EPB41L1: variants seen among roughly 807,000 people sequenced by gnomAD.
EPB41L1 encodes the protein band 4.1-like protein 1.
Under a neutral mutation model 97.8 loss-of-function variants are expected in EPB41L1, and 29 were observed. That is an observed-to-expected ratio of 0.30 (90% CI 0.22 to 0.40). The LOEUF (loss-of-function observed/expected upper bound fraction) is 0.40. EPB41L1 is among the 10% of genes least tolerant of loss of function. The pLI is 1.00. For synonymous variants in EPB41L1, 383 were observed against 459.2 expected, an observed-to-expected ratio of 0.83 and a Z score of 2.12; for missense variants, 812 against 1,162.3, an observed-to-expected ratio of 0.70 and a Z score of 4.38.
rs1174345846 is a variant in EPB41L1 at position 36,101,403 on chromosome 20, G to T, written c.-65+9791G>T. 5.9e-5 allele frequency among the ~76,000 whole-genome samples: 9 copies of T among 152,076 alleles called. 1 individual carries two copies. The highest frequency in any genetic ancestry group is 5.9e-4 in the Admixed American group (9 of 15,266). On this transcript the variant is annotated intron_variant, in intron 1 of 19. Transcript: ENST00000202028. Reference sequence around the variant, plus strand: ...GAATCTGGGCAGCTGCAGTCAGCTTGTTGAGCCTCCACCCACCCCAACCGA... The same window carrying T: ...GAATCTGGGCAGCTGCAGTCAGCTTTTTGAGCCTCCACCCACCCCAACCGA...
In EPB41L1 at chr20:36,195,467, C is replaced by A; in HGVS notation, c.1485+103C>A. 1 of 1,362,072 alleles carries A rather than the reference C, an allele frequency of 7.3e-7. No individual in the cohort carries two copies. The highest frequency in any genetic ancestry group is 1.0e-6 in the Non-Finnish European group (1 of 958,394). 84.4% of individuals were successfully genotyped at this position (1,362,072 alleles called of 1,614,324 possible). On this transcript the variant is annotated intron_variant, in intron 13 of 21. Transcript: ENST00000338074. The surrounding 1 kb of genome is among the most constrained non-coding windows in gnomAD (Gnocchi z 4.6). ...CAGGCTCACTTCCCTGGCACCATCT[C>A]AGCTTCAACTTCATCTCTGCTCCCC...
intron 6 of EPB41L1, among the ~76,000 whole-genome samples, chr20:36,184,019 G>A (rs2061574685): frequency 1.3e-5 from 2 of 152,334 alleles, no homozygotes; most frequent in South Asian, 4.1e-4. Context: ...AAGATTGCTT[G>A]AGACCAGGAG....
Position 36,190,463 on chromosome 20 carries a change from G to A in EPB41L1, c.1124+89G>A. Reference sequence around the variant, plus strand: ...GGGGGAGGAGTTAGTGAGAACTCTAGGAAAGTCCTCCACCCTTTCCCCAAG... The same window carrying A: ...GGGGGAGGAGTTAGTGAGAACTCTAAGAAAGTCCTCCACCCTTTCCCCAAG... On this transcript the variant is annotated intron_variant, in intron 10 of 21. Transcript: ENST00000338074. This position sits in a 1 kb window ranked among gnomAD's most constrained non-coding sequence, Gnocchi z 5.8. 6.5e-7 allele frequency: 1 copy of A among 1,533,926 alleles called. No homozygotes were observed. Among genetic ancestry groups the A allele is most frequent in the Non-Finnish European group, 8.9e-7 (1 of 1,119,562 alleles).
intron 1 of EPB41L1, among the ~76,000 whole-genome samples, chr20:36,163,857 T>C (rs1321622055): frequency 6.6e-6 from 1 of 151,898 alleles, no homozygotes; most frequent in Non-Finnish European, 1.5e-5. Context: ...GCCAGTGCCT[T>C]CTTCTTTATT....
intron 2 of EPB41L1, among the ~76,000 whole-genome samples, chr20:36,141,266 CAT>C (rs1259197594): frequency 2.0e-5 from 3 of 152,148 alleles, no homozygotes; most frequent in Non-Finnish European, 4.4e-5. Context: ...CTAAGTGAAA[CAT>C]GTATAATAAA....
At chr20:36,214,267 AC>A in intron 16 of EPB41L1, 89 bp from the exon 17 acceptor site, 1 of 993,808 alleles carries the variant, frequency 1.0e-6, no homozygotes, top group Non-Finnish European at 1.6e-6. Context: ...ACAGCCTGTC[AC>A]TTTGTAACTG....
intron 2 of EPB41L1, among the ~76,000 whole-genome samples, chr20:36,146,712 C>G (rs574715011): frequency 5.3e-5 from 8 of 152,234 alleles, no homozygotes; most frequent in African/African-American, 1.7e-4. Context: ...GAGTGGGCAC[C>G]TGGGCTGGGA....
At chr20:36,130,222 A>C (rs536597902) in intron 2 of EPB41L1, among the ~76,000 whole-genome samples, 1 of 151,632 alleles carries the variant, frequency 6.6e-6, no homozygotes, top group East Asian at 1.9e-4. Flanking sequence ...GATTACAGGC[A>C]TGAGCCACCT....
chr20:36,232,470 TG>T lies in EPB41L1; in HGVS notation c.*3133del. On this transcript the variant is annotated 3_prime_UTR_variant, in exon 22 of 22. Coordinates refer to ENST00000338074, the MANE Select transcript of EPB41L1 (RefSeq NM_012156.2). ...GGTCTTTTTCTACTTTGCTATCTCA[TG>T]GGTCTTCATTTTCTCTTATTTTGTT... 2 of 397,674 alleles carry T rather than the reference TG, an allele frequency of 5.0e-6. No homozygotes were observed. Among genetic ancestry groups the T allele is most frequent in the African/African-American group, 2.1e-5 (1 of 48,750 alleles). The allele number at this position is 397,674 out of a possible 1,614,324, so 24.6% of individuals were successfully genotyped here.
intron 15 of EPB41L1, among the ~76,000 whole-genome samples, chr20:36,211,704 G>C (rs1464330149): frequency 6.6e-6 from 1 of 151,994 alleles, no homozygotes; most frequent in East Asian, 1.9e-4. Context: ...AAATACAAAA[G>C]TTAGCCGGGT....
At chr20:36,116,166 A>G (rs1569043373) in intron 2 of EPB41L1, among the ~76,000 whole-genome samples, 1 of 152,074 alleles carries the variant, frequency 6.6e-6, no homozygotes, top group Non-Finnish European at 1.5e-5. Flanking sequence ...ATGCAACTGG[A>G]GTTTAGAGGA....
rs1316186734 is a variant in EPB41L1 at position 36,207,797 on chromosome 20, G to A, written c.1669-1691G>A. 2 of 1,280,300 alleles carry A rather than the reference G, an allele frequency of 1.6e-6. No individual in the cohort carries two copies. Among genetic ancestry groups the A allele is most frequent in the Admixed American group, 2.3e-5 (1 of 43,140 alleles). The allele number at this position is 1,280,300 out of a possible 1,614,324, so 79.3% of individuals were successfully genotyped here. On this transcript the variant is annotated intron_variant, in intron 14 of 21. Coordinates refer to ENST00000338074, the MANE Select transcript of EPB41L1 (RefSeq NM_012156.2). The surrounding 1 kb of genome is among the most constrained non-coding windows in gnomAD (Gnocchi z 4.9). ...GGAACTGGGGTAACTGGCCGCGTGA[G>A]CCCCCGCCCCCACCGCTGCTCCCCG...
At chr20:36,108,413 A>G (rs955672742) in intron 1 of EPB41L1, among the ~76,000 whole-genome samples, 6 of 151,978 alleles carry the variant, frequency 3.9e-5, no homozygotes, top group Admixed American at 2.6e-4. Context: ...GATGGCTCAC[A>G]CCTGTAATCC....
At chr20:36,196,913 A>G (rs73289639) in intron 13 of EPB41L1, among the ~76,000 whole-genome samples, 4,189 of 152,298 alleles carry the variant, frequency 0.028, 149 homozygotes, top group African/African-American at 0.082. Flanking sequence ...TGACTCTGTC[A>G]TGCTGCACTG....
At chr20:36,182,053 TTTC>T (rs2061492083) in intron 5 of EPB41L1, among the ~76,000 whole-genome samples, 1 of 152,252 alleles carries the variant, frequency 6.6e-6, no homozygotes, top group Admixed American at 6.5e-5. Flanking sequence ...TCTTTCTTTC[TTTC>T]TTTCTACCTT....
chr20:36,127,460 T>G (rs1161388862), intron 2 of EPB41L1, among the ~76,000 whole-genome samples: 1 of 152,186 alleles, frequency 6.6e-6, no homozygotes, highest in Non-Finnish European at 1.5e-5. Flanking sequence ...ATGGATGCAC[T>G]GTGTTGGTGT....
At chr20:36,105,953 G>A (rs2058176875) in intron 1 of EPB41L1, among the ~76,000 whole-genome samples, 1 of 152,154 alleles carries the variant, frequency 6.6e-6, no homozygotes, top group Admixed American at 6.5e-5. Context: ...TCCTCCCCAG[G>A]GGGCAGGCTG....
chr20:36,174,158 C>G (rs2061120009), intron 2 of EPB41L1, among the ~76,000 whole-genome samples: 1 of 152,210 alleles, frequency 6.6e-6, no homozygotes, highest in South Asian at 2.1e-4. Flanking sequence ...GTTGCCCAGG[C>G]TGGAGTGCAG....
chr20:36,179,099 A>G (rs1158931547), intron 5 of EPB41L1, among the ~76,000 whole-genome samples: 1 of 151,618 alleles, frequency 6.6e-6, no homozygotes, highest in East Asian at 1.9e-4. Context: ...AAAAAAAAAG[A>G]AAGAAAATGC....
Sources: gnomAD v4.1 joint callset for allele counts (sites outside exome capture counted in the v4.1 genomes callset) on GRCh38, gnomAD v4.1.1 for gene constraint, Gnocchi (gnomAD v3.1) non-coding constraint, MANE v1.5 for transcripts, NCBI Gene and HGNC (gene_info 2026-07-23, HGNC 2026-07-21) for gene names.